ADGRB1: variants seen among roughly 807,000 people sequenced by gnomAD.
The protein encoded by ADGRB1 is brain-specific angiogenesis inhibitor 1.
Under a neutral mutation model 175.7 loss-of-function variants are expected in ADGRB1, and 36 were observed. That is an observed-to-expected ratio of 0.20 (90% CI 0.16 to 0.27). The LOEUF (loss-of-function observed/expected upper bound fraction) is 0.27, where lower values mean the gene tolerates loss of function less well. Ranked by LOEUF, ADGRB1 falls within the 10% of genes least tolerant of loss-of-function variation. The pLI is 1.00. For missense variants in ADGRB1, 1,731 were observed against 2,255.3 expected (o/e 0.77, Z 4.71); for synonymous variants, 1,054 against 979.4 (o/e 1.08, Z -1.42).
Position 142,543,739 on chromosome 8 carries a change from A to G in ADGRB1, c.4557+31A>G. ...GAGGGCAGGGAGGGGCGGGGTGGGGAGAGCCCTTAGGTCAGGCCACCGTCT... is the reference window on the plus strand; with the variant it reads ...GAGGGCAGGGAGGGGCGGGGTGGGGGGAGCCCTTAGGTCAGGCCACCGTCT... On this transcript the variant is annotated intron_variant, in intron 30 of 30. Transcript: ENST00000517894. This position sits in a 1 kb window ranked among gnomAD's most constrained non-coding sequence, Gnocchi z 4.4. 1 of 1,519,152 alleles carries G rather than the reference A, an allele frequency of 6.6e-7. No homozygotes were observed. Among genetic ancestry groups the G allele is most frequent in the Non-Finnish European group, 8.9e-7 (1 of 1,118,662 alleles). 94.1% of individuals were successfully genotyped at this position (1,519,152 alleles called of 1,614,324 possible). A position where few individuals can be genotyped will look rare whatever the true frequency, so the allele number is the denominator to read the frequency against.
intron 1 of ADGRB1, among the ~76,000 whole-genome samples, chr8:142,454,375 GA>G (rs1839535589): frequency 6.6e-6 from 1 of 152,208 alleles, no homozygotes; most frequent in South Asian, 2.1e-4. Context: ...GCCACGGCCC[GA>G]AAACCTGTGT....
chr8:142,530,810 G>A (rs1029612833), intron 24 of ADGRB1, among the ~76,000 whole-genome samples: 15 of 152,294 alleles, frequency 9.8e-5, no homozygotes, highest in Non-Finnish European at 1.5e-4. Flanking sequence ...GCCTCTCCCC[G>A]CACCCCGGGC....
At chr8:142,478,980 G>C (rs1432666966) in intron 7 of ADGRB1, 1 of 274,458 alleles carries the variant, frequency 3.6e-6, no homozygotes, top group Non-Finnish European at 6.8e-6. Flanking sequence ...CAGAGTGTGG[G>C]GTGGCCGTGG....
chr8:142,479,685 C>A lies in ADGRB1; in HGVS notation c.1727-8C>A. 6.2e-7 allele frequency: 1 copy of A among 1,612,242 alleles called. No homozygotes were observed. The highest frequency in any genetic ancestry group is 1.1e-5 in the South Asian group (1 of 90,980). Reference sequence around the variant, plus strand: ...CTTCCTGAACCCCTGTCCCGGGCCCCTTGGCAGAGCCCCATGAGATCTGTG... The same window carrying A: ...CTTCCTGAACCCCTGTCCCGGGCCCATTGGCAGAGCCCCATGAGATCTGTG... On this transcript the variant is annotated splice_region_variant and splice_polypyrimidine_tract_variant and intron_variant, in intron 8 of 30. Transcript: ENST00000517894.
chr8:142,524,366 GGCCTCGGT>G, intron 23 of ADGRB1, 62 bp downstream of exon 23: 1 of 1,490,356 alleles, frequency 6.7e-7, no homozygotes, highest in South Asian at 1.2e-5. Context: ...CTGCCTCCTG[GGCCTCGGT>G]GCTGTCTCAT....
chr8:142,463,210 C>T (rs1840065048), intron 1 of ADGRB1, among the ~76,000 whole-genome samples: 1 of 152,192 alleles, frequency 6.6e-6, no homozygotes, highest in East Asian at 1.9e-4. Flanking sequence ...AGGCCCTGTG[C>T]CTGTAGCTTT....
chr8:142,510,924 G>GC lies in ADGRB1; in HGVS notation c.2676-3dup. The GC allele has an allele frequency of 2.9e-6, 1 of 343,332 alleles. No individual in the cohort carries two copies. 21.3% of individuals were successfully genotyped at this position (343,332 alleles called of 1,614,324 possible). ...CCTGTCTCCCTCCCGTGTCCCGCCC[G>GC]CCCCCAGACCCTCCTCCTCCGCCCC... On this transcript the variant is annotated splice_region_variant and splice_polypyrimidine_tract_variant and intron_variant, in intron 17 of 30. Transcript: ENST00000517894. This position sits in a 1 kb window ranked among gnomAD's most constrained non-coding sequence, Gnocchi z 6.3.
At chr8:142,536,631 T>C (rs1455413667) in intron 25 of ADGRB1, among the ~76,000 whole-genome samples, 2 of 151,844 alleles carry the variant, frequency 1.3e-5, no homozygotes, top group Non-Finnish European at 2.9e-5. Context: ...TTGAGGCTGC[T>C]GGAGATGCAG....
intron 2 of ADGRB1, among the ~76,000 whole-genome samples, chr8:142,469,667 G>A (rs563951137): frequency 1.3e-5 from 2 of 151,622 alleles, no homozygotes; most frequent in African/African-American, 4.9e-5. Context: ...AAGTGCGTGT[G>A]TGTGCACGTG....
Position 142,476,713 on chromosome 8 carries a change from G to C in ADGRB1, c.1057+18G>C, listed in dbSNP as rs769486391. On this transcript the variant is annotated intron_variant, in intron 4 of 30. Coordinates refer to ENST00000517894, the MANE Select transcript of ADGRB1 (RefSeq NM_001702.3). The stretch of plus-strand genomic sequence containing the variant: ...CCAGACCGGTGAGCTGGCGGGAGGG[G>C]GGTGGGTGGGACTAGGGCTTTGGGA... 6.5e-7 allele frequency: 1 copy of C among 1,538,268 alleles called. No individual in the cohort carries two copies. The highest frequency in any genetic ancestry group is 1.2e-5 in the South Asian group (1 of 83,478).
chr8:142,518,709 A>G (rs1050794682), intron 19 of ADGRB1, among the ~76,000 whole-genome samples: 1 of 152,228 alleles, frequency 6.6e-6, no homozygotes, highest in Admixed American at 6.5e-5. Context: ...CCACCCAGGC[A>G]GGTGTGGAGA....
At position 142,488,416 on chromosome 8, in the gene ADGRB1, CA is replaced by C; in HGVS notation, c.2362del (p.Met788Ter). The C allele has an allele frequency of 6.2e-7, 1 of 1,613,298 alleles. No individual in the cohort carries two copies. Among genetic ancestry groups the C allele is most frequent in the Non-Finnish European group, 8.5e-7 (1 of 1,179,832 alleles). Reference sequence around the variant, plus strand: ...GCGGAGCCACTGACATCAGCTTCCCCATGAAGGGCTGGCGGGCCACGGGTGA... The same window carrying C: ...GCGGAGCCACTGACATCAGCTTCCCCTGAAGGGCTGGCGGGCCACGGGTGA... ...ASGATDISFP[M>X]KGWRATGDWA... On this transcript the variant is annotated frameshift_variant, in exon 14 of 31. Transcript: ENST00000517894. LOFTEE classifies it high-confidence loss of function.
At chr8:142,538,477 T>TC (rs1459146198) in intron 26 of ADGRB1, among the ~76,000 whole-genome samples, 1 of 152,086 alleles carries the variant, frequency 6.6e-6, no homozygotes, top group East Asian at 1.9e-4. Context: ...GGACACAGCT[T>TC]CCCCCTCCCC....
chr8:142,458,550 C>T (rs1379543174), intron 1 of ADGRB1, among the ~76,000 whole-genome samples: 1 of 152,170 alleles, frequency 6.6e-6, no homozygotes, highest in Non-Finnish European at 1.5e-5. Context: ...TGGCTCCCAA[C>T]TCTGCTTCCC....
In ADGRB1 at chr8:142,533,282, C is replaced by T. The variant is rs1307276695; in HGVS notation, c.3399-13C>T. ...GGGGCGGGGGCGGCAGCGCTGACACCCTCCATCCCCAGGGCCTCCCTGTGG... is the reference window on the plus strand; with the variant it reads ...GGGGCGGGGGCGGCAGCGCTGACACTCTCCATCCCCAGGGCCTCCCTGTGG... On this transcript the variant is annotated splice_polypyrimidine_tract_variant and intron_variant, in intron 24 of 30. Transcript: ENST00000517894. The T allele has an allele frequency of 8.6e-6, 13 of 1,506,712 alleles. No homozygotes were observed. The highest frequency in any genetic ancestry group is 1.2e-5 in the South Asian group (1 of 81,076). The allele number at this position is 1,506,712 out of a possible 1,614,324, so 93.3% of individuals were successfully genotyped here.
intron 17 of ADGRB1, among the ~76,000 whole-genome samples, chr8:142,502,437 AGTGGTGGT>A (rs1842653281): frequency 1.8e-3 from 1 of 562 alleles, no homozygotes; most frequent in Non-Finnish European, 3.3e-3. Context: ...TGGTGGTGGT[AGTGGTGGT>A]GATGATGGGG....
rs368917249 is a variant in ADGRB1, at chr8:142,478,334, G to A, written c.1535G>A (p.Arg512Gln). 63 of 1,608,134 alleles carry A rather than the reference G, an allele frequency of 3.9e-5. No individual in the cohort carries two copies. Among genetic ancestry groups the A allele is most frequent in the South Asian group, 3.8e-4 (34 of 90,098 alleles). ...TGCCAGGGCCACTGGGTGGAGACCC[G>A]AGACTGCTTCCTGCAGCAGTGCCCA... Reference protein sequence around the residue: ...AECQGHWVETRDCFLQQCPVD... With the variant: ...AECQGHWVETQDCFLQQCPVD... The change falls in exon 7 of 31, where the codon CGA (arginine) becomes CAA (glutamine). Residue 512 changes from arginine to glutamine, a missense_variant. By Grantham distance (43) the Arg-to-Gln change is conservative. This residue lies in a region of ADGRB1 where 388 missense variants were observed against 630.9 expected (regional missense o/e 0.61). Coordinates refer to ENST00000517894, the MANE Select transcript of ADGRB1 (RefSeq NM_001702.3).
At position 142,528,296 on chromosome 8, in the gene ADGRB1, A is replaced by G. The variant is rs1844342589; in HGVS notation, c.3398+1669A>G. ...GCAGACGGAGGCAGGGTCCACCCTC[A>G]GCTGAGCGCAGGGACCCCTCACTAC... On this transcript the variant is annotated intron_variant, in intron 24 of 30. Transcript: ENST00000517894. Among the ~76,000 whole-genome samples, 4 of 152,274 alleles carry G rather than the reference A, an allele frequency of 2.6e-5. No individual in the cohort carries two copies. The East Asian group carries it at 7.7e-4, about 29-fold the overall frequency.
chr8:142,527,588 C>G (rs1294501153), intron 24 of ADGRB1, among the ~76,000 whole-genome samples: 2 of 152,074 alleles, frequency 1.3e-5, no homozygotes, highest in Admixed American at 6.5e-5. Flanking sequence ...GGTGCTTTGT[C>G]TCCTGGCCTG....
Sources: gnomAD v4.1 joint callset for allele counts (sites outside exome capture counted in the v4.1 genomes callset) on GRCh38, gnomAD v4.1.1 for gene constraint, gnomAD v4.1.1 regional missense constraint, Gnocchi (gnomAD v3.1) non-coding constraint, MANE v1.5 for transcripts, NCBI Gene and HGNC (gene_info 2026-07-23, HGNC 2026-07-21) for gene names.